SMARCAD1: variants seen among roughly 807,000 people sequenced by gnomAD.
SMARCAD1 encodes the protein SNF2 related chromatin remodeling ATPase with DExD box 1, also known as SWI/SNF-related matrix-associated actin-dependent regulator of chromatin subfamily A containing DEAD/H box 1.
SMARCAD1 carries 25 observed loss-of-function variants against 127.1 expected under a neutral mutation model. The observed-to-expected ratio is 0.20, with a 90% CI of 0.14 to 0.27. SMARCAD1 has a LOEUF of 0.27. Ranked by LOEUF, SMARCAD1 falls within the 10% of genes least tolerant of loss-of-function variation. SMARCAD1 has a pLI of 1.00. For synonymous variants in SMARCAD1, 400 were observed against 396.9 expected (o/e 1.01, Z -0.09); for missense variants, 807 against 1,206.0 (o/e 0.67, Z 4.90).
chr4:94,215,131 C>G (rs1363701170), intron 2 of SMARCAD1, among the ~76,000 whole-genome samples: 1 of 152,162 alleles, frequency 6.6e-6, no homozygotes, highest in Non-Finnish European at 1.5e-5. Flanking sequence ...TTGCGCAATA[C>G]TCAGTCTTTT....
intron 10 of SMARCAD1, among the ~76,000 whole-genome samples, chr4:94,266,783 A>G (rs189801575): frequency 1.6e-3 from 236 of 152,228 alleles, no homozygotes; most frequent in African/African-American, 5.4e-3. Flanking sequence ...CTTTGCTACA[A>G]ACTGTTGCAA....
In SMARCAD1 at chr4:94,277,243, T is replaced by G. The variant is rs1378463533; in HGVS notation, c.2082+84T>G. 15 of 1,495,626 alleles carry G rather than the reference T, an allele frequency of 1.0e-5. No homozygotes were observed. In the East Asian group the frequency reaches 3.2e-4, roughly 32 times the overall value. The allele number at this position is 1,495,626 out of a possible 1,614,324, so 92.6% of individuals were successfully genotyped here. A position where few individuals can be genotyped will look rare whatever the true frequency, so the allele number is the denominator to read the frequency against. On this transcript the variant is annotated intron_variant, in intron 16 of 23. Coordinates refer to ENST00000354268, the MANE Select transcript of SMARCAD1 (RefSeq NM_020159.5). ...CTTCTGTTAGGTCTCTTTTGTTGTTTTCATAGTGCATATGCTCTATGAAGT... is the reference window on the plus strand; with the variant it reads ...CTTCTGTTAGGTCTCTTTTGTTGTTGTCATAGTGCATATGCTCTATGAAGT...
rs1754364053 is a variant in SMARCAD1, at chr4:94,283,256, T to C, written c.2862T>C (p.Tyr954=). ...TTCACGATATTGACTGTAATCCTTA[T>C]AATGACAAACAAGCAGAAGATAGAT... ...VILHDIDCNP[Y]NDKQAEDRCH... The change falls in exon 22 of 24, where the codon TAT becomes TAC. Residue 954 remains tyrosine (Y), a synonymous_variant. Coordinates refer to ENST00000354268, the MANE Select transcript of SMARCAD1 (RefSeq NM_020159.5). 1 of 1,613,550 alleles carries C rather than the reference T, an allele frequency of 6.2e-7. No individual in the cohort carries two copies. The highest frequency in any genetic ancestry group is 8.5e-7 in the Non-Finnish European group (1 of 1,179,948).
At chr4:94,241,193 C>CT (rs1330306954) in intron 6 of SMARCAD1, among the ~76,000 whole-genome samples, 187 bp downstream of exon 6, 2 of 152,146 alleles carry the variant, frequency 1.3e-5, no homozygotes, top group African/African-American at 4.8e-5. Flanking sequence ...ATGAAGCCTG[C>CT]TTAAGCACAG....
intron 10 of SMARCAD1, among the ~76,000 whole-genome samples, chr4:94,268,517 G>T (rs1006589052): frequency 6.6e-5 from 10 of 152,166 alleles, no homozygotes; most frequent in African/African-American, 2.4e-4. Flanking sequence ...GATGACTAAA[G>T]AATTGGGAAG....
chr4:94,245,995 G>C (rs1256430150), intron 6 of SMARCAD1, among the ~76,000 whole-genome samples: 1 of 152,138 alleles, frequency 6.6e-6, no homozygotes, highest in Non-Finnish European at 1.5e-5. Context: ...ACCTGCAACA[G>C]ATTCTTGGAG....
intron 8 of SMARCAD1, 83 bp downstream of exon 8, chr4:94,250,916 G>A: frequency 9.3e-7 from 1 of 1,074,698 alleles, no homozygotes; most frequent in East Asian, 2.5e-5. Flanking sequence ...TATAAGAAAA[G>A]CTATTAGCTG....
At chr4:94,251,336 A>G (rs1404735359) in intron 8 of SMARCAD1, among the ~76,000 whole-genome samples, 1 of 152,220 alleles carries the variant, frequency 6.6e-6, no homozygotes, top group Non-Finnish European at 1.5e-5. Context: ...GTTGAGTCAT[A>G]CATGTTTAGT....
At chr4:94,225,240 T>C (rs1744810146) in intron 2 of SMARCAD1, among the ~76,000 whole-genome samples, 1 of 152,196 alleles carries the variant, frequency 6.6e-6, no homozygotes, top group Non-Finnish European at 1.5e-5. Flanking sequence ...ATTGTGTAGC[T>C]TTGAAGTCCA....
intron 6 of SMARCAD1, among the ~76,000 whole-genome samples, chr4:94,248,764 G>A (rs998832316): frequency 6.6e-6 from 1 of 152,072 alleles, no homozygotes; most frequent in African/African-American, 2.4e-5. Flanking sequence ...ATTGGTCTCT[G>A]TTTTATGAAA....
In SMARCAD1 at chr4:94,225,304, T is replaced by TG. The variant is rs750527853; in HGVS notation, c.191-814dup. On this transcript the variant is annotated intron_variant, in intron 2 of 23. Coordinates refer to ENST00000354268, the MANE Select transcript of SMARCAD1 (RefSeq NM_020159.5). ...GGGCCTCTTTCCTTGGCTTGTAAGG[T>TG]GATCTCCTTCCTGCCTTGTCTTCAA... Among the ~76,000 whole-genome samples, 9 of 152,142 alleles carry TG rather than the reference T, an allele frequency of 5.9e-5. No homozygotes were observed. The South Asian group carries it at 8.3e-4, about 14-fold the overall frequency.
intron 2 of SMARCAD1, among the ~76,000 whole-genome samples, chr4:94,223,159 C>A: frequency 6.6e-6 from 1 of 151,976 alleles, no homozygotes; most frequent in Middle Eastern, 3.2e-3. Flanking sequence ...TATCTGCAGT[C>A]CAGTGCTCTG....
chr4:94,241,951 C>G (rs146105981), intron 6 of SMARCAD1, among the ~76,000 whole-genome samples: 4 of 152,172 alleles, frequency 2.6e-5, no homozygotes, highest in Non-Finnish European at 4.4e-5. Flanking sequence ...TAAAAATTTT[C>G]TCTGCCACGT....
chr4:94,226,895 G>A (rs796422429), intron 3 of SMARCAD1, among the ~76,000 whole-genome samples: 18 of 151,858 alleles, frequency 1.2e-4, no homozygotes, highest in African/African-American at 4.1e-4. Context: ...CTAGAGGTGG[G>A]GTCTTGCTAT....
At chr4:94,224,618 G>T (rs1744712157) in intron 2 of SMARCAD1, among the ~76,000 whole-genome samples, 1 of 152,138 alleles carries the variant, frequency 6.6e-6, no homozygotes, top group Non-Finnish European at 1.5e-5. Flanking sequence ...TTTGGATCAG[G>T]ATGTTCAATC....
intron 9 of SMARCAD1, among the ~76,000 whole-genome samples, chr4:94,262,618 G>C (rs1387500607): frequency 2.0e-5 from 3 of 152,146 alleles, no homozygotes; most frequent in Admixed American, 1.3e-4. Flanking sequence ...GTTCAGACTT[G>C]TCTGTTGCTT....
chr4:94,263,244 T>C (rs1751278369), intron 9 of SMARCAD1, among the ~76,000 whole-genome samples: 1 of 152,136 alleles, frequency 6.6e-6, no homozygotes, highest in African/African-American at 2.4e-5. Context: ...TACACACACA[T>C]ACTACAATCA....
intron 22 of SMARCAD1, among the ~76,000 whole-genome samples, chr4:94,283,764 G>T (rs1754445754): frequency 6.6e-6 from 1 of 151,788 alleles, no homozygotes; most frequent in Non-Finnish European, 1.5e-5. Flanking sequence ...GGCAGAGCTT[G>T]CAGTGAGCCG....
chr4:94,275,894 T>C (rs1305265561), intron 14 of SMARCAD1, among the ~76,000 whole-genome samples: 1 of 149,068 alleles, frequency 6.7e-6, no homozygotes, highest in African/African-American at 2.5e-5. Context: ...GCCTCCCGGG[T>C]TCACGCCATT....
Sources: allele counts gnomAD v4.1 joint callset (sites outside exome capture counted in the v4.1 genomes callset), GRCh38; gene constraint gnomAD v4.1.1; transcripts MANE v1.5; gene names NCBI Gene and HGNC (gene_info 2026-07-23, HGNC 2026-07-21).